ABCA13: variants seen among roughly 807,000 people sequenced by gnomAD.
ABCA13 encodes ATP-binding cassette sub-family A member 13.
ABCA13 carries 476 observed loss-of-function variants against 478.7 expected under a neutral mutation model. That is an observed-to-expected ratio of 0.99 (90% CI 0.92 to 1.07). ABCA13 has a LOEUF of 1.07. Ranked by LOEUF, ABCA13 falls within the 50% of genes least tolerant of loss-of-function variation. The probability of loss-of-function intolerance (pLI) is 0.00; values close to 1 mark genes in which losing one functional copy is unlikely to be tolerated. For missense variants in ABCA13, 6,060 were observed against 5,910.6 expected, an observed-to-expected ratio of 1.03 and a Z score of -0.83; for synonymous variants, 2,252 against 2,158.9, an observed-to-expected ratio of 1.04 and a Z score of -1.20.
chr7:48,379,518 C>T (rs1042695306), intron 35 of ABCA13, among the ~76,000 whole-genome samples: 8 of 151,608 alleles, frequency 5.3e-5, no homozygotes, highest in South Asian at 2.1e-4. Context: ...AGTAAGTTCT[C>T]GGTGCTCAGG....
intron 19 of ABCA13, among the ~76,000 whole-genome samples, chr7:48,284,081 C>T (rs1797404953): frequency 6.6e-6 from 1 of 152,228 alleles, no homozygotes; most frequent in Non-Finnish European, 1.5e-5. Flanking sequence ...ATTGGGAAAA[C>T]TACTTCTCAG....
At position 48,274,994 on chromosome 7, in the gene ABCA13, A is replaced by C. The variant is rs759807203; in HGVS notation, c.5328A>C (p.Thr1776=). 6 of 1,613,784 alleles carry C rather than the reference A, an allele frequency of 3.7e-6. No homozygotes were observed. In the East Asian group the frequency reaches 6.7e-5, roughly 18 times the overall value. ...GCCTCAAGGATGTCTACAGCTTCAC[A>C]CTCCTTCATGGCATAACCATTTCAA... The part of the protein sequence containing the change: ...TEGLKDVYSF[T]LLHGITISNI... The change falls in exon 17 of 62, where the codon ACA becomes ACC. Residue 1776 remains threonine (T), a synonymous_variant. Coordinates refer to ENST00000435803, the MANE Select transcript of ABCA13 (RefSeq NM_152701.5).
intron 29 of ABCA13, among the ~76,000 whole-genome samples, chr7:48,349,559 C>T (rs1362775190): frequency 6.6e-6 from 1 of 152,206 alleles, no homozygotes; most frequent in African/African-American, 2.4e-5. Flanking sequence ...AGAGCCCCAA[C>T]ACCCCTTTCA....
chr7:48,232,139 A>ATTTTTTGTTTTTT (rs1789203432), intron 7 of ABCA13, among the ~76,000 whole-genome samples: 1 of 51,318 alleles, frequency 1.9e-5, no homozygotes, highest in Non-Finnish European at 3.6e-5. Context: ...CCCACATGGA[A>ATTTTTTGTTTTTT]TTTTTTTTTT....
At chr7:48,572,195 C>G (rs1423997581) in intron 55 of ABCA13, among the ~76,000 whole-genome samples, 1 of 152,032 alleles carries the variant, frequency 6.6e-6, no homozygotes, top group Non-Finnish European at 1.5e-5. Flanking sequence ...AAATAAAATA[C>G]ATATTTTATT....
At chr7:48,520,393 T>A in intron 53 of ABCA13, 99 bp downstream of exon 53, 1 of 1,360,984 alleles carries the variant, frequency 7.3e-7, no homozygotes, top group South Asian at 1.6e-5. Context: ...AAATTATATC[T>A]GATCAGCATT....
chr7:48,576,828 C>T (rs911876071), intron 55 of ABCA13, among the ~76,000 whole-genome samples: 1 of 151,934 alleles, frequency 6.6e-6, no homozygotes, highest in African/African-American at 2.4e-5. Context: ...AAACCTCACA[C>T]TAAAAGCCCA....
intron 35 of ABCA13, among the ~76,000 whole-genome samples, chr7:48,379,652 A>G (rs1249155102): frequency 6.6e-6 from 1 of 152,224 alleles, no homozygotes; most frequent in Non-Finnish European, 1.5e-5. Flanking sequence ...AAAATGCATA[A>G]GTAAAGAGAA....
chr7:48,507,255 G>T (rs1172827829), intron 49 of ABCA13, among the ~76,000 whole-genome samples: 1 of 152,210 alleles, frequency 6.6e-6, no homozygotes, highest in Non-Finnish European at 1.5e-5. Flanking sequence ...GAGTTCCATC[G>T]TGTCGGCCTC....
At chr7:48,475,458 A>AT (rs398047655) in intron 45 of ABCA13, among the ~76,000 whole-genome samples, 13,714 of 100,562 alleles carry the variant, frequency 0.14, 1,073 homozygotes, top group East Asian at 0.23. Flanking sequence ...TGTCAATTTA[A>AT]TTTTTTTTTT....
chr7:48,405,913 A>G (rs1308322726), intron 39 of ABCA13, among the ~76,000 whole-genome samples: 2 of 152,166 alleles, frequency 1.3e-5, no homozygotes, highest in African/African-American at 4.8e-5. Context: ...TGCAAAATCA[A>G]TAGTATGTAA....
At position 48,518,583 on chromosome 7, in the gene ABCA13, A is replaced by G. The variant is rs867148792; in HGVS notation, c.13798-1458A>G. 2.6e-5 allele frequency among the ~76,000 whole-genome samples: 4 copies of G among 152,234 alleles called. No individual in the cohort carries two copies. The South Asian group carries it at 8.3e-4, about 32-fold the overall frequency. On this transcript the variant is annotated intron_variant, in intron 52 of 61. Coordinates refer to ENST00000435803, the MANE Select transcript of ABCA13 (RefSeq NM_152701.5). ...AGAAAATGGATCTAAATCAATTGGTAACAAGTAATTAAAAGCAGCTTATTG... is the reference window on the plus strand; with the variant it reads ...AGAAAATGGATCTAAATCAATTGGTGACAAGTAATTAAAAGCAGCTTATTG...
rs1391979139 is a variant in ABCA13, at chr7:48,587,257, C to G, written c.14609C>G (p.Ala4870Gly). The change falls in exon 57 of 62, where the codon GCC (alanine) becomes GGC (glycine). Residue 4870 changes from alanine (A) to glycine (G), a missense_variant. This residue lies in a region of ABCA13 where 1,627 missense variants were observed against 1,571.0 expected (regional missense o/e 1.04). Transcript: ENST00000435803. The part of the protein sequence containing the change: ...GTKRKLSTAL[A>G]LVGKPDILLL... ...AAGCGGAAACTCTCTACAGCCCTGG[C>G]CCTGGTGGGGAAACCTGACATTCTT... The G allele has an allele frequency of 1.2e-6, 2 of 1,610,544 alleles. No individual in the cohort carries two copies. The highest frequency in any genetic ancestry group is 2.2e-5 in the South Asian group (2 of 90,262).
chr7:48,360,160 AG>A (rs1810591995), intron 31 of ABCA13, among the ~76,000 whole-genome samples: 1 of 151,544 alleles, frequency 6.6e-6, no homozygotes, highest in Non-Finnish European at 1.5e-5. Flanking sequence ...CATTTACATT[AG>A]GTATATCTCC....
intron 45 of ABCA13, among the ~76,000 whole-genome samples, chr7:48,476,381 G>C (rs1008576382): frequency 2.0e-5 from 3 of 152,116 alleles, no homozygotes; most frequent in Non-Finnish European, 4.4e-5. Flanking sequence ...AAATAATAAC[G>C]AGCTGATTAA....
In ABCA13 at chr7:48,535,549, G is replaced by C. The variant is rs1183600455; in HGVS notation, c.14354+7204G>C. 2.6e-5 allele frequency among the ~76,000 whole-genome samples: 4 copies of C among 152,188 alleles called. No individual in the cohort carries two copies. In the East Asian group the frequency reaches 7.7e-4, roughly 29 times the overall value. On this transcript the variant is annotated intron_variant, in intron 55 of 61. Coordinates refer to ENST00000435803, the MANE Select transcript of ABCA13 (RefSeq NM_152701.5). ...TGCCCTTGTGGAAGAAGGATCAGGT[G>C]GTGGGTGGGGCCATAGAGTTCCCAA...
chr7:48,320,115 T>C (rs1249180817), intron 27 of ABCA13, among the ~76,000 whole-genome samples: 1 of 152,210 alleles, frequency 6.6e-6, no homozygotes, highest in Non-Finnish European at 1.5e-5. Flanking sequence ...CTTAGGGACA[T>C]TAAAATTTCA....
chr7:48,551,597 T>A lies in ABCA13; in HGVS notation c.14354+23252T>A, dbSNP rs57427177. Among the ~76,000 whole-genome samples, 70 of 143,272 alleles carry A rather than the reference T, an allele frequency of 4.9e-4. 1 individual carries two copies. Among genetic ancestry groups the A allele is most frequent in the African/African-American group, 1.8e-3 (69 of 37,934 alleles). The allele number at this position is 143,272 out of a possible 152,430, so 94.0% of individuals were successfully genotyped here. A position where few individuals can be genotyped will look rare whatever the true frequency, so the allele number is the denominator to read the frequency against. Reference sequence around the variant, plus strand: ...TACTTTATTATTTTTTCTTTTCAAATAAATTCGTATGTATTGCACTCTTTT... The same window carrying A: ...TACTTTATTATTTTTTCTTTTCAAAAAAATTCGTATGTATTGCACTCTTTT... On this transcript the variant is annotated intron_variant, in intron 55 of 61. Coordinates refer to ENST00000435803, the MANE Select transcript of ABCA13 (RefSeq NM_152701.5).
chr7:48,487,394 G>A (rs931735012), intron 47 of ABCA13, among the ~76,000 whole-genome samples: 14 of 151,786 alleles, frequency 9.2e-5, no homozygotes, highest in Non-Finnish European at 1.9e-4. Flanking sequence ...AAACTAGGGA[G>A]GCTGAGCAGG....
Sources: allele counts gnomAD v4.1 joint callset (sites outside exome capture counted in the v4.1 genomes callset), GRCh38; gene constraint gnomAD v4.1.1; regional missense constraint gnomAD v4.1.1; transcripts MANE v1.5; gene names NCBI Gene and HGNC (gene_info 2026-07-23, HGNC 2026-07-21).